The following PCDHA1 variants were observed in gnomAD, a reference collection of about 807,000 sequenced individuals.
PCDHA1 encodes the protein protocadherin alpha-1.
Under a neutral mutation model 61.3 loss-of-function variants are expected in PCDHA1, and 42 were observed. That is an observed-to-expected ratio of 0.69 (90% CI 0.54 to 0.89). The LOEUF (loss-of-function observed/expected upper bound fraction) is 0.89. Among genes scored for constraint, PCDHA1 ranks in the 40% least tolerant of loss-of-function variants. The probability of loss-of-function intolerance (pLI) is 0.00; values close to 1 mark genes in which losing one functional copy is unlikely to be tolerated. For missense variants in PCDHA1, 1,256 were observed against 1,235.3 expected (o/e 1.02, Z -0.25); for synonymous variants, 610 against 553.8 (o/e 1.10, Z -1.43).
At chr5:140,838,280 A>T (rs1252322835) in intron 1 of PCDHA1, among the ~76,000 whole-genome samples, 4 of 139,572 alleles carry the variant, frequency 2.9e-5, no homozygotes, top group Non-Finnish European at 4.6e-5. Flanking sequence ...AGCCATGCTA[A>T]TTTTTTTTTT....
chr5:140,913,463 G>C (rs1230048611), intron 1 of PCDHA1, among the ~76,000 whole-genome samples: 4 of 151,500 alleles, frequency 2.6e-5, no homozygotes, highest in African/African-American at 2.4e-5. Flanking sequence ...TATTTACTTG[G>C]GTCTTCTCTC....
At chr5:140,824,358 T>G (rs1768098936) in intron 1 of PCDHA1, 4 of 580,936 alleles carry the variant, frequency 6.9e-6, no homozygotes, top group Admixed American at 3.5e-5. Context: ...ATATTTTATA[T>G]TAGCATTTGA....
intron 1 of PCDHA1, among the ~76,000 whole-genome samples, chr5:140,789,485 C>G (rs1268614162): frequency 4.6e-5 from 7 of 152,066 alleles, no homozygotes; most frequent in Non-Finnish European, 7.4e-5. Flanking sequence ...ACCGACCAAC[C>G]AAACAAACAA....
intron 1 of PCDHA1, among the ~76,000 whole-genome samples, chr5:140,904,904 C>A (rs1463349424): frequency 6.6e-6 from 1 of 151,948 alleles, no homozygotes; most frequent in Non-Finnish European, 1.5e-5. Context: ...GTTTTTCTTA[C>A]TGATTTGTTT....
intron 1 of PCDHA1, chr5:140,851,627 C>A: frequency 1.1e-6 from 1 of 918,296 alleles, no homozygotes. Context: ...GCTTTTTAAA[C>A]AAGTGTTTCC....
chr5:140,878,333 G>C (rs947043628), intron 1 of PCDHA1, among the ~76,000 whole-genome samples: 4 of 152,000 alleles, frequency 2.6e-5, no homozygotes, highest in Admixed American at 6.5e-5. Flanking sequence ...TATATTCCAG[G>C]TATTATCACA....
chr5:141,009,701 C>G lies in PCDHA1; in HGVS notation c.2617C>G (p.Pro873Ala). The G allele has an allele frequency of 6.2e-7, 1 of 1,614,036 alleles. No homozygotes were observed. Among genetic ancestry groups the G allele is most frequent in the South Asian group, 1.1e-5 (1 of 91,056 alleles). The change falls in exon 4 of 4, where the codon CCA (proline) becomes GCA (alanine). Residue 873 changes from proline to alanine, a missense_variant. Coordinates refer to ENST00000504120, the MANE Select transcript of PCDHA1 (RefSeq NM_018900.4). ...NSNSWTFKYG[P>A]GNPKQSGPGE... ...CAACAGCTGGACCTTTAAATACGGA[C>G]CAGGCAACCCCAAACAATCCGGTCC...
Position 140,848,325 on chromosome 5 carries a change from T to C in PCDHA1, c.2394+59641T>C, listed in dbSNP as rs1279729115. On this transcript the variant is annotated intron_variant, in intron 1 of 3. Transcript: ENST00000504120. Reference sequence around the variant, plus strand: ...TGTCACTCTTTGCCGCGATGTTCTCTCTGAATCCAGACAAATACAGCCCTT... The same window carrying C: ...TGTCACTCTTTGCCGCGATGTTCTCCCTGAATCCAGACAAATACAGCCCTT... The C allele has an allele frequency of 5.0e-6, 4 of 803,094 alleles. 1 individual carries two copies. The highest frequency in any genetic ancestry group is 2.0e-6 in the Non-Finnish European group (1 of 498,510). The allele number at this position is 803,094 out of a possible 1,614,324, so 49.7% of individuals were successfully genotyped here. A position where few individuals can be genotyped will look rare whatever the true frequency, so the allele number is the denominator to read the frequency against.
At chr5:140,836,792 G>A (rs781818049) in intron 1 of PCDHA1, 3 of 1,416,344 alleles carry the variant, frequency 2.1e-6, no homozygotes, top group Non-Finnish European at 2.9e-6. Context: ...AGTTCAATTG[G>A]TCTCCTTAAA....
At position 140,803,381 on chromosome 5, in the gene PCDHA1, C is replaced by A. The variant is rs376460699; in HGVS notation, c.2394+14697C>A. The stretch of plus-strand genomic sequence containing the variant: ...CTCTGCGGTGCTCCGCGCCGCCAAC[C>A]GAAGGCGACTGTGGGCCGGGCAAGC... On this transcript the variant is annotated intron_variant, in intron 1 of 3. Coordinates refer to ENST00000504120, the MANE Select transcript of PCDHA1 (RefSeq NM_018900.4). 62 of 1,614,094 alleles carry A rather than the reference C, an allele frequency of 3.8e-5. No individual in the cohort carries two copies. In the South Asian group the frequency reaches 5.1e-4, roughly 13 times the overall value.
At chr5:140,853,601 AG>A in intron 1 of PCDHA1, 1 of 987,492 alleles carries the variant, frequency 1.0e-6, no homozygotes, top group Non-Finnish European at 1.2e-6. Context: ...TTGAGAGCAA[AG>A]GGGGTGCTGT....
In PCDHA1 at chr5:140,787,384, T is replaced by G. The variant is rs1554117793; in HGVS notation, c.1094T>G (p.Leu365Arg). ...LYLPIREDAP[L>R]STVIALITVS... ...TTGCCTATCAGAGAGGACGCTCCAC[T>G]CAGCACCGTCATCGCCCTCATCACC... The change falls in exon 1 of 4, where the codon CTC (leucine) becomes CGC (arginine). Residue 365 changes from leucine to arginine, a missense_variant. Transcript: ENST00000504120. The G allele has an allele frequency of 1.9e-6, 3 of 1,614,104 alleles. No individual in the cohort carries two copies. In the East Asian group the frequency reaches 6.7e-5, roughly 36 times the overall value.
chr5:140,839,096 G>T (rs1372259471), intron 1 of PCDHA1, among the ~76,000 whole-genome samples: 2 of 151,884 alleles, frequency 1.3e-5, no homozygotes, highest in Admixed American at 6.6e-5. Context: ...ATAATCAATA[G>T]AATTATTTAC....
rs1781426453 is a variant in PCDHA1, at chr5:140,848,298, G to A, written c.2394+59614G>A. On this transcript the variant is annotated intron_variant, in intron 1 of 3. Transcript: ENST00000504120. ...TATGTACTTACACTTTGGGCCACGTGATGTCACTCTTTGCCGCGATGTTCT... is the reference window on the plus strand; with the variant it reads ...TATGTACTTACACTTTGGGCCACGTAATGTCACTCTTTGCCGCGATGTTCT... 1.4e-5 allele frequency: 9 copies of A among 661,966 alleles called. 1 individual carries two copies. The Admixed American group carries it at 2.4e-4, about 18-fold the overall frequency. The allele number at this position is 661,966 out of a possible 1,614,324, so 41.0% of individuals were successfully genotyped here. A position where few individuals can be genotyped will look rare whatever the true frequency, so the allele number is the denominator to read the frequency against.
In PCDHA1 at chr5:140,837,615, CCCTT is replaced by C. The variant is rs2150277487; in HGVS notation, c.2394+48948_2394+48951del. Among the ~76,000 whole-genome samples, 57 of 145,918 alleles carry C rather than the reference CCCTT, an allele frequency of 3.9e-4. 2 individuals carry two copies. Among genetic ancestry groups the C allele is most frequent in the South Asian group, 6.5e-4 (3 of 4,612 alleles). On this transcript the variant is annotated intron_variant, in intron 1 of 3. Coordinates refer to ENST00000504120, the MANE Select transcript of PCDHA1 (RefSeq NM_018900.4). ...CCAATATATATATTTTATAATTTGC[CCCTT>C]CCTTCCTTCCTTCCTTTCTTTCTTT...
intron 1 of PCDHA1, chr5:140,821,660 G>A (rs1183568019): frequency 8.4e-7 from 1 of 1,191,180 alleles, no homozygotes; most frequent in Non-Finnish European, 1.2e-6. Context: ...TTTTGGCTGT[G>A]CCAAGAAGCT....
chr5:140,823,307 C>T lies in PCDHA1; in HGVS notation c.2394+34623C>T, dbSNP rs1581794358. ...CTGTCGAGTTACGTTTCGGTGCACG[C>T]GGAGAGCGGCAAGGTGTACGCGCTG... On this transcript the variant is annotated intron_variant, in intron 1 of 3. Transcript: ENST00000504120. 7 of 1,612,266 alleles carry T rather than the reference C, an allele frequency of 4.3e-6. No homozygotes were observed. In the East Asian group the frequency reaches 8.9e-5, roughly 21 times the overall value.
In PCDHA1 at chr5:140,788,164, G is replaced by T; in HGVS notation, c.1874G>T (p.Gly625Val). Residue 625 changes from glycine to valine, a missense_variant, in exon 1 of 4, where the codon GGG becomes GTG. By Grantham distance (109) the Gly-to-Val change is moderately radical. Coordinates refer to ENST00000504120, the MANE Select transcript of PCDHA1 (RefSeq NM_018900.4). ...GGCGCGCGCATCCCGTTCCGCGTGG[G>T]GCTGTACACGGGCGAGATCAGCACG... is the stretch of plus-strand genomic sequence containing the variant. ...AGGARIPFRVGLYTGEISTTR... is the reference protein window; with the variant it reads ...AGGARIPFRVVLYTGEISTTR... 6.2e-7 allele frequency: 1 copy of T among 1,614,020 alleles called. No homozygotes were observed. The highest frequency in any genetic ancestry group is 8.5e-7 in the Non-Finnish European group (1 of 1,179,930).
chr5:140,930,985 A>G (rs2087229279), intron 1 of PCDHA1, among the ~76,000 whole-genome samples: 1 of 152,110 alleles, frequency 6.6e-6, no homozygotes, highest in Non-Finnish European at 1.5e-5. Context: ...TTTCTTCCTC[A>G]TGACCTACAC....
Sources: gnomAD v4.1 joint callset for allele counts (sites outside exome capture counted in the v4.1 genomes callset) on GRCh38, gnomAD v4.1.1 for gene constraint, MANE v1.5 for transcripts, NCBI Gene and HGNC (gene_info 2026-07-23, HGNC 2026-07-21) for gene names.